The following GREB1 variants were observed in gnomAD, a reference collection of about 807,000 sequenced individuals.
The protein encoded by GREB1 is protein GREB1.
In GREB1, 106 loss-of-function variants were observed where a neutral mutation model predicts 200.7. The ratio of observed to expected loss-of-function variants is 0.53; its 90% CI spans 0.45 to 0.62. The LOEUF is 0.62. GREB1 is among the 20% of genes least tolerant of loss of function. The pLI is 0.00. For missense variants in GREB1, 2,243 were observed against 2,556.8 expected (o/e 0.88, Z 2.65); for synonymous variants, 1,132 against 1,092.4 (o/e 1.04, Z -0.72).
intron 23 of GREB1, among the ~76,000 whole-genome samples, chr2:11,623,855 T>TCCTGGAGTGACACTCCAG (rs1361483274): frequency 4.6e-5 from 7 of 151,988 alleles, no homozygotes; most frequent in Non-Finnish European, 1.0e-4. Flanking sequence ...TGCCACTCCA[T>TCCTGGAGTGACACTCCAG]CCTGGAGTGA....
chr2:11,487,680 G>A (rs1373119192), intron 1 of GREB1, among the ~76,000 whole-genome samples: 1 of 152,214 alleles, frequency 6.6e-6, no homozygotes, highest in Non-Finnish European at 1.5e-5. Flanking sequence ...GAACGATTGT[G>A]AGCCTCTGTG....
Position 11,618,166 on chromosome 2 carries a change from G to GCCACTCC in GREB1, c.3413-122_3413-121insCCACTCC, listed in dbSNP as rs1558643588. The GCCACTCC allele has an allele frequency of 8.8e-4, 755 of 858,110 alleles. 12 individuals carry two copies. The highest frequency in any genetic ancestry group is 4.6e-3 in the East Asian group (98 of 21,352). The allele number at this position is 858,110 out of a possible 1,614,324, so 53.2% of individuals were successfully genotyped here. A position where few individuals can be genotyped will look rare whatever the true frequency, so the allele number is the denominator to read the frequency against. Reference sequence around the variant, plus strand: ...CTGGGACAGGTCACTCCTGGGATGGGTGACTCCTGGGACAGGTCACTCCTG... The same window carrying GCCACTCC: ...CTGGGACAGGTCACTCCTGGGATGGGCCACTCCTGACTCCTGGGACAGGTCACTCCTG... On this transcript the variant is annotated intron_variant, in intron 21 of 32. Transcript: ENST00000381486.
chr2:11,559,444 T>A (rs16857640), intron 2 of GREB1, among the ~76,000 whole-genome samples: 6,224 of 152,294 alleles, frequency 0.041, 229 homozygotes, highest in East Asian at 0.17. Flanking sequence ...TTTTGAGGCT[T>A]ACGACCCTTT....
chr2:11,486,677 G>C (rs1037732020), intron 1 of GREB1, among the ~76,000 whole-genome samples: 4 of 152,048 alleles, frequency 2.6e-5, no homozygotes, highest in African/African-American at 9.7e-5. Flanking sequence ...AGACTAGCCT[G>C]GCTAATGTGG....
At chr2:11,485,259 T>TTATTTTA (rs1368326346) in intron 1 of GREB1, among the ~76,000 whole-genome samples, 1 of 124,194 alleles carries the variant, frequency 8.1e-6, no homozygotes, top group Admixed American at 9.5e-5. Context: ...TTATTTTATT[T>TTATTTTA]TATATATATA....
chr2:11,600,245 A>AT (rs1012839621), intron 15 of GREB1, among the ~76,000 whole-genome samples: 1,697 of 148,820 alleles, frequency 0.011, 30 homozygotes, highest in African/African-American at 0.04. Context: ...TTAAGCACTG[A>AT]TTTTTTTTTT....
At position 11,497,971 on chromosome 2, in the gene GREB1, C is replaced by CTTTTT. The variant is rs70955803; in HGVS notation, c.-159+15627_-159+15631dup. Reference sequence around the variant, plus strand: ...TAACAGGGTCTTTTGCAGAGCAAAACTTTTTTTTTTTTTTTTTTTTTTTTT... The same window carrying CTTTTT: ...TAACAGGGTCTTTTGCAGAGCAAAACTTTTTTTTTTTTTTTTTTTTTTTTTTTTTT... On this transcript the variant is annotated intron_variant, in intron 1 of 2. Coordinates refer to the GREB1 transcript ENST00000628795. 4.9e-4 allele frequency among the ~76,000 whole-genome samples: 20 copies of CTTTTT among 40,622 alleles called. 6 individuals carry two copies. The highest frequency in any genetic ancestry group is 4.0e-3 in the East Asian group (5 of 1,264). 26.6% of individuals were successfully genotyped at this position (40,622 alleles called of 152,430 possible). A position where few individuals can be genotyped will look rare whatever the true frequency, so the allele number is the denominator to read the frequency against.
Position 11,581,130 on chromosome 2 carries a change from G to A in GREB1, c.901+298G>A, listed in dbSNP as rs189893432. The A allele has an allele frequency of 5.3e-4, 319 of 602,016 alleles. 1 individual carries two copies. The African/African-American group carries it at 5.4e-3, about 10-fold the overall frequency. The allele number at this position is 602,016 out of a possible 1,614,324, so 37.3% of individuals were successfully genotyped here. ...ACAGCTGGAGGATGGTAGAATTTTG[G>A]AGCAATAGTGGGCAGTGTGTTGTTG... is the stretch of plus-strand genomic sequence containing the variant. On this transcript the variant is annotated intron_variant, in intron 7 of 32. Transcript: ENST00000381486.
In GREB1 at chr2:11,639,064, T is replaced by C. The variant is rs930402063; in HGVS notation, c.5686+255T>C. 2.6e-5 allele frequency among the ~76,000 whole-genome samples: 4 copies of C among 152,148 alleles called. No homozygotes were observed. The East Asian group carries it at 7.7e-4, about 29-fold the overall frequency. ...TTTCTTTTAGATGAATTGCGGACAT[T>C]TTTTAGCCTTTGTGTTTCTTTTCTT... On this transcript the variant is annotated intron_variant, in intron 32 of 32. Coordinates refer to ENST00000381486, the MANE Select transcript of GREB1 (RefSeq NM_014668.4).
chr2:11,578,200 C>G, intron 5 of GREB1, 97 bp from the exon 6 acceptor site: 1 of 1,332,690 alleles, frequency 7.5e-7, no homozygotes. Context: ...GTCTCCATAG[C>G]TCACTGTCCT....
At chr2:11,515,867 C>T (rs1487441109) in intron 1 of GREB1, among the ~76,000 whole-genome samples, 1 of 152,198 alleles carries the variant, frequency 6.6e-6, no homozygotes, top group Non-Finnish European at 1.5e-5. Context: ...AATTCTTTCA[C>T]CTACTCCAGG....
At chr2:11,509,409 A>C (rs1673287580) in intron 1 of GREB1, among the ~76,000 whole-genome samples, 1 of 152,080 alleles carries the variant, frequency 6.6e-6, no homozygotes, top group South Asian at 2.1e-4. Flanking sequence ...AGCTTATTTG[A>C]AGCAAATCCC....
chr2:11,502,362 A>G (rs1673072581), intron 1 of GREB1, among the ~76,000 whole-genome samples: 1 of 150,854 alleles, frequency 6.6e-6, no homozygotes, highest in Admixed American at 6.6e-5. Flanking sequence ...TTGTTACTAC[A>G]GGCATGCACC....
chr2:11,524,070 C>CAT (rs1491095204), intron 1 of GREB1, among the ~76,000 whole-genome samples: 2 of 151,686 alleles, frequency 1.3e-5, no homozygotes, highest in African/African-American at 4.9e-5. Context: ...CACACACACA[C>CAT]AGAGTACACA....
At chr2:11,637,937 T>C (rs1281297563) in intron 31 of GREB1, 21 bp downstream of exon 31, 1 of 1,589,640 alleles carries the variant, frequency 6.3e-7, no homozygotes, top group Non-Finnish European at 8.6e-7. Context: ...GAGGGGGTGC[T>C]GTCGAATCCC....
chr2:11,566,525 A>C lies in GREB1; in HGVS notation c.323A>C (p.Asn108Thr). 6.2e-7 allele frequency: 1 copy of C among 1,613,600 alleles called. No individual in the cohort carries two copies. Among genetic ancestry groups the C allele is most frequent in the South Asian group, 1.1e-5 (1 of 91,016 alleles). Residue 108 changes from asparagine (N) to threonine (T), a missense_variant, in exon 4 of 33, where the codon AAC (asparagine) becomes ACC (threonine). Physicochemically the swap from Asn to Thr is moderately conservative, Grantham distance 65 (BLOSUM62 0). Transcript: ENST00000381486. ...GACCTGCGCCTTGTCTCCATTTCCA[A>C]CGAGCCCATGGATGTCCCTGCGGGC... ...GKDLRLVSIS[N>T]EPMDVPAGFL...
chr2:11,566,381 T>C, intron 3 of GREB1, 99 bp from the exon 4 acceptor site: 1 of 1,175,072 alleles, frequency 8.5e-7, no homozygotes, highest in Non-Finnish European at 1.2e-6. Flanking sequence ...GGGGTAAGGG[T>C]TTCTCCTGAG....
In GREB1 at chr2:11,600,906, C is replaced by T; in HGVS notation, c.2440C>T (p.His814Tyr). 6.2e-7 allele frequency: 1 copy of T among 1,614,158 alleles called. No homozygotes were observed. ...VKEAPNIVTL[H>Y]VTSFPYALQT... ...GGAGGCCCCCAACATTGTGACACTT[C>T]ACGTGACCTCCTTCCCGTATGCACT... is the stretch of plus-strand genomic sequence containing the variant. The change falls in exon 16 of 33, where the codon CAC becomes TAC. Residue 814 changes from histidine to tyrosine, a missense_variant. Physicochemically the swap from His to Tyr is moderately conservative, Grantham distance 83. This residue lies in a region of GREB1 where 1,178 missense variants were observed against 1,387.4 expected (regional missense o/e 0.85). Transcript: ENST00000381486.
Position 11,600,791 on chromosome 2 carries a change from C to T in GREB1, c.2334-9C>T, listed in dbSNP as rs754911085. Reference sequence around the variant, plus strand: ...GTAATTCCACTGATTGTGTCTTCTCCTCCCTCAGTAGCACTGTTCATAACC... The same window carrying T: ...GTAATTCCACTGATTGTGTCTTCTCTTCCCTCAGTAGCACTGTTCATAACC... On this transcript the variant is annotated splice_polypyrimidine_tract_variant and intron_variant, in intron 15 of 32. Transcript: ENST00000381486. The T allele has an allele frequency of 1.2e-6, 2 of 1,609,384 alleles. No homozygotes were observed. The highest frequency in any genetic ancestry group is 1.7e-6 in the Non-Finnish European group (2 of 1,176,100).
Sources: gnomAD v4.1 joint callset for allele counts (sites outside exome capture counted in the v4.1 genomes callset) on GRCh38, gnomAD v4.1.1 for gene constraint, gnomAD v4.1.1 regional missense constraint, MANE v1.5 for transcripts, NCBI Gene and HGNC (gene_info 2026-07-23, HGNC 2026-07-21) for gene names.